Variants in MTSS2 observed in about 807,000 individuals in gnomAD.
The protein encoded by MTSS2 is MTSS I-BAR domain containing 2, also known as protein MTSS 2.
In MTSS2, 27 loss-of-function variants were observed where a neutral mutation model predicts 67.1. That is an observed-to-expected ratio of 0.40 (90% CI 0.30 to 0.55). The LOEUF is 0.55. Ranked by LOEUF, MTSS2 falls within the 20% of genes least tolerant of loss-of-function variation. The probability of loss-of-function intolerance (pLI) is 0.43; values close to 1 mark genes in which losing one functional copy is unlikely to be tolerated. For missense variants in MTSS2, 1,171 were observed against 1,067.8 expected (o/e 1.10, Z -1.35); for synonymous variants, 624 against 468.6 (o/e 1.33, Z -4.28).
At chr16:70,672,078 T>C (rs950421174) in intron 11 of MTSS2, among the ~76,000 whole-genome samples, 4 of 152,186 alleles carry the variant, frequency 2.6e-5, no homozygotes, top group Admixed American at 2.6e-4. Context: ...CCAGGGGCAG[T>C]GGCTCATGCC....
intron 11 of MTSS2, among the ~76,000 whole-genome samples, chr16:70,666,169 G>C (rs537863428): frequency 1.3e-5 from 2 of 152,120 alleles, no homozygotes; most frequent in African/African-American, 4.8e-5. Context: ...GGAGAGTCCC[G>C]TAAAGGAGAG....
intron 1 of MTSS2, 94 bp from the exon 2 acceptor site, chr16:70,681,119 G>GA: frequency 8.0e-7 from 1 of 1,249,768 alleles, no homozygotes; most frequent in African/African-American, 1.5e-5. Context: ...TCCAGACTTG[G>GA]GGCAGTTTCT....
rs372911830 is a variant in MTSS2, at chr16:70,663,720, C to T, written c.2201G>A (p.Arg734His). The T allele has an allele frequency of 7.0e-5, 111 of 1,584,126 alleles. No homozygotes were observed. Among genetic ancestry groups the T allele is most frequent in the Non-Finnish European group, 9.2e-5 (107 of 1,167,064 alleles). The change falls in exon 15 of 15, where the codon CGC becomes CAC. Residue 734 changes from arginine to histidine, a missense_variant. Physicochemically the swap from Arg to His is conservative, Grantham distance 29. Around this residue, in one of 2 missense-constraint regions of MTSS2, gnomAD observed 924 missense variants for 756.0 expected, o/e 1.22. Transcript: ENST00000338779. Reference protein sequence around the residue: ...LVAIRRGVRLRRTVTNDRSAP... With the variant: ...LVAIRRGVRLHRTVTNDRSAP... Reference sequence around the variant, plus strand: ...CGACCTGTCGTTGGTGACGGTCCTGCGGAGCCGGACCCCACGCCGGATGGC... The same window carrying T: ...CGACCTGTCGTTGGTGACGGTCCTGTGGAGCCGGACCCCACGCCGGATGGC...
chr16:70,677,008 G>C, intron 9 of MTSS2, 30 bp from the exon 10 acceptor site: 5 of 1,577,152 alleles, frequency 3.2e-6, no homozygotes, highest in Non-Finnish European at 4.3e-6. Context: ...GGGGTCACTG[G>C]AGGCAGCTCC....
chr16:70,664,572 G>T (rs1384028794), intron 14 of MTSS2, 26 bp downstream of exon 14: 3 of 1,607,410 alleles, frequency 1.9e-6, no homozygotes, highest in Non-Finnish European at 2.6e-6. Flanking sequence ...GCTGTCCCTG[G>T]TCCCACCCCA....
Position 70,663,587 on chromosome 16 carries a change from C to T in MTSS2, c.*90G>A. On this transcript the variant is annotated 3_prime_UTR_variant, in exon 15 of 15. Transcript: ENST00000338779. Reference sequence around the variant, plus strand: ...CTCTGCCCTGGCTCTGTCCTCTCTCCTGGCTGGGCCTTTGCTCTGAGTGCC... The same window carrying T: ...CTCTGCCCTGGCTCTGTCCTCTCTCTTGGCTGGGCCTTTGCTCTGAGTGCC... 6.9e-7 allele frequency: 1 copy of T among 1,452,180 alleles called. No individual in the cohort carries two copies. The highest frequency in any genetic ancestry group is 9.1e-7 in the Non-Finnish European group (1 of 1,101,728). The allele number at this position is 1,452,180 out of a possible 1,614,324, so 90.0% of individuals were successfully genotyped here.
Position 70,664,178 on chromosome 16 carries a change from A to G in MTSS2, c.1743T>C (p.Ala581=). The G allele has an allele frequency of 6.2e-7, 1 of 1,603,700 alleles. No individual in the cohort carries two copies. The highest frequency in any genetic ancestry group is 1.1e-5 in the South Asian group (1 of 90,912). ...KPTVRRALSS[A]GPIPIRPPIV... ...TGGGCGGCCGGATGGGGATGGGGCC[A>G]GCGCTGGACAGGGCGCGGCGCACGG... is the stretch of plus-strand genomic sequence containing the variant. The change falls in exon 15 of 15, where the codon GCT becomes GCC. Residue 581 remains alanine, a synonymous_variant. Coordinates refer to ENST00000338779, the MANE Select transcript of MTSS2 (RefSeq NM_138383.3).
In MTSS2 at chr16:70,674,339, G is replaced by T. The variant is rs766903852; in HGVS notation, c.1020C>A (p.Pro340=). The T allele has an allele frequency of 2.9e-5, 46 of 1,614,032 alleles. No homozygotes were observed. In the East Asian group the frequency reaches 7.8e-4, roughly 27 times the overall value. ...TGATGTCTGAAGGCATAGGCGAGGGGGGCTTGGAGTAGGTGGCGTCCTGGG... is the reference window on the plus strand; with the variant it reads ...TGATGTCTGAAGGCATAGGCGAGGGTGGCTTGGAGTAGGTGGCGTCCTGGG... ...FVSQDATYSK[P]PSPMPSDITS... The change falls in exon 11 of 15, where the codon CCC becomes CCA. Residue 340 remains proline (P), a synonymous_variant. Transcript: ENST00000338779.
Position 70,664,975 on chromosome 16 carries a change from G to A in MTSS2, c.1250C>T (p.Pro417Leu). 41 of 1,583,372 alleles carry A rather than the reference G, an allele frequency of 2.6e-5. No homozygotes were observed. The highest frequency in any genetic ancestry group is 3.5e-5 in the Non-Finnish European group (41 of 1,173,166). ...PGPASGGTLG[P>L]SGEEAPRPRM... ...GGGTCGCGGTGCCTCTTCCCCGCTG[G>A]GGCCCAGGGTGCCCCCACTGGCAGG... The change falls in exon 13 of 15, where the codon CCC becomes CTC. Residue 417 changes from proline (P) to leucine (L), a missense_variant. Physicochemically the swap from Pro to Leu is moderately conservative, Grantham distance 98. This residue lies in a region of MTSS2 where 924 missense variants were observed against 756.0 expected (regional missense o/e 1.22). Coordinates refer to ENST00000338779, the MANE Select transcript of MTSS2 (RefSeq NM_138383.3).
Position 70,664,608 on chromosome 16 carries a change from G to T in MTSS2, c.1461C>A (p.Ile487=). The change falls in exon 14 of 15, where the codon ATC becomes ATA. Residue 487 remains isoleucine (I), a synonymous_variant. Coordinates refer to ENST00000338779, the MANE Select transcript of MTSS2 (RefSeq NM_138383.3). ...GCCCCGCGGGCCTGCCTTGGGAGGG[G>T]ATGGTGTCCTCAGAGCAGGAGGGCG... ...TTTPSCSEDT[I]PSQGSDYDCY... The T allele has an allele frequency of 1.2e-6, 2 of 1,612,592 alleles. No individual in the cohort carries two copies. Among genetic ancestry groups the T allele is most frequent in the Non-Finnish European group, 1.7e-6 (2 of 1,179,560 alleles).
At position 70,662,201 on chromosome 16, in the gene MTSS2, A is replaced by G. The variant is rs951713612; in HGVS notation, c.*1476T>C. 1 of 151,842 alleles carries G rather than the reference A, an allele frequency of 6.6e-6. No individual in the cohort carries two copies. Among genetic ancestry groups the G allele is most frequent in the African/African-American group, 2.4e-5 (1 of 41,326 alleles). The allele number at this position is 151,842 out of a possible 1,614,324, so 9.4% of individuals were successfully genotyped here. On this transcript the variant is annotated 3_prime_UTR_variant, in exon 15 of 15. Coordinates refer to ENST00000338779, the MANE Select transcript of MTSS2 (RefSeq NM_138383.3). Reference sequence around the variant, plus strand: ...CCCAGCTCCATTCTATCAATCAATCAATCAATCATCAAGACCAAGGTGCTC... The same window carrying G: ...CCCAGCTCCATTCTATCAATCAATCGATCAATCATCAAGACCAAGGTGCTC...
intron 4 of MTSS2, 35 bp from the exon 5 acceptor site, chr16:70,679,912 G>A (rs749757763): frequency 1.7e-5 from 26 of 1,549,876 alleles, no homozygotes; most frequent in Non-Finnish European, 2.2e-5. Context: ...GGTCAGGGCC[G>A]GGCTCCCCCG....
At chr16:70,671,803 C>T (rs922877825) in intron 11 of MTSS2, among the ~76,000 whole-genome samples, 8 of 152,184 alleles carry the variant, frequency 5.3e-5, no homozygotes, top group Non-Finnish European at 1.0e-4. Context: ...AGTCACACGA[C>T]GCAGTGACAT....
intron 11 of MTSS2, among the ~76,000 whole-genome samples, chr16:70,673,848 A>C (rs1289599401): frequency 6.6e-6 from 1 of 152,172 alleles, no homozygotes; most frequent in Non-Finnish European, 1.5e-5. Context: ...GCATATGGTA[A>C]GATTTCAAGG....
At chr16:70,666,139 G>A (rs751185391) in intron 11 of MTSS2, among the ~76,000 whole-genome samples, 10 of 152,164 alleles carry the variant, frequency 6.6e-5, no homozygotes, top group Non-Finnish European at 1.0e-4. Flanking sequence ...CTGCTGATGC[G>A]CATCAGGTGG....
chr16:70,678,891 T>C (rs1038046436), intron 7 of MTSS2, among the ~76,000 whole-genome samples: 5 of 152,010 alleles, frequency 3.3e-5, no homozygotes, highest in Non-Finnish European at 7.4e-5. Context: ...GGGGTCTCAG[T>C]GTGGGTCCCC....
Position 70,685,783 on chromosome 16 carries a change from C to T in MTSS2, c.9G>A (p.Thr3=). The T allele has an allele frequency of 2.2e-6, 3 of 1,365,778 alleles. No homozygotes were observed. The highest frequency in any genetic ancestry group is 2.9e-6 in the Non-Finnish European group (3 of 1,038,954). 84.6% of individuals were successfully genotyped at this position (1,365,778 alleles called of 1,614,324 possible). A position where few individuals can be genotyped will look rare whatever the true frequency, so the allele number is the denominator to read the frequency against. Residue 3 remains threonine (T), a synonymous_variant, in exon 1 of 15, where the codon ACG becomes ACA. Coordinates refer to ENST00000338779, the MANE Select transcript of MTSS2 (RefSeq NM_138383.3). ...CCAGGGCGCCGCACTCCTTCTCCGCCGTCTCCATGCTCTGGCTGGGCCGGG... is the reference window on the plus strand; with the variant it reads ...CCAGGGCGCCGCACTCCTTCTCCGCTGTCTCCATGCTCTGGCTGGGCCGGG... The part of the protein sequence containing the change: ME[T]AEKECGALGG...
At position 70,664,338 on chromosome 16, in the gene MTSS2, C is replaced by A; in HGVS notation, c.1583G>T (p.Arg528Leu). ...TGGGCGCTTGGTCTGGATCAGGCGG[C>A]GGTAGTTCTGGGCGATGTTGCTGTT... ...PRNSNIAQNY[R>L]RLIQTKRPAS... The change falls in exon 15 of 15, where the codon CGC becomes CTC. Residue 528 changes from arginine (R) to leucine (L), a missense_variant. Physicochemically the swap from Arg to Leu is moderately radical, Grantham distance 102 (BLOSUM62 -2). Transcript: ENST00000338779. 1 of 1,597,870 alleles carries A rather than the reference C, an allele frequency of 6.3e-7. No homozygotes were observed.
At chr16:70,685,338 C>T (rs2053419086) in intron 1 of MTSS2, among the ~76,000 whole-genome samples, 1 of 152,070 alleles carries the variant, frequency 6.6e-6, no homozygotes, top group Non-Finnish European at 1.5e-5. Flanking sequence ...GGCTCCGGGG[C>T]CGTGGGGGAA....
Sources: allele counts gnomAD v4.1 joint callset (sites outside exome capture counted in the v4.1 genomes callset), GRCh38; gene constraint gnomAD v4.1.1; regional missense constraint gnomAD v4.1.1; transcripts MANE v1.5; gene names NCBI Gene and HGNC (gene_info 2026-07-23, HGNC 2026-07-21).